Variants in FLT1 observed in about 807,000 individuals in gnomAD.
FLT1 encodes vascular endothelial growth factor receptor 1.
A neutral mutation model predicts 156.3 loss-of-function variants in FLT1; 49 were observed. That is an observed-to-expected ratio of 0.31 (90% CI 0.25 to 0.40). The LOEUF (loss-of-function observed/expected upper bound fraction) is 0.40. Among genes scored for constraint, FLT1 ranks in the 10% least tolerant of loss-of-function variants. The pLI is 1.00. For synonymous variants in FLT1, 594 were observed against 583.8 expected, an observed-to-expected ratio of 1.02 and a Z score of -0.25; for missense variants, 1,322 against 1,637.2, an observed-to-expected ratio of 0.81 and a Z score of 3.32.
At chr13:28,407,276 G>A (rs954493303) in intron 10 of FLT1, among the ~76,000 whole-genome samples, 15 of 152,020 alleles carry the variant, frequency 9.9e-5, no homozygotes, top group South Asian at 2.1e-4. Context: ...CAAACACACC[G>A]ATAAGTAGAG....
chr13:28,339,106 A>G, intron 17 of FLT1, 62 bp downstream of exon 17: 2 of 1,518,858 alleles, frequency 1.3e-6, no homozygotes, highest in Non-Finnish European at 9.1e-7. Flanking sequence ...CTCAAAGCAC[A>G]GTGTTTTTCA....
rs1311131899 is a variant in FLT1 at position 28,483,410 on chromosome 13, G to GTATA, written c.64+11366_64+11369dup. ...TAGACACCATGCATATTTTTACATA[G>GTATA]TATATACACCATTCCGTATAATTTC... On this transcript the variant is annotated intron_variant, in intron 1 of 29. Coordinates refer to ENST00000282397, the MANE Select transcript of FLT1 (RefSeq NM_002019.4). Among the ~76,000 whole-genome samples, 3 of 152,120 alleles carry GTATA rather than the reference G, an allele frequency of 2.0e-5. No homozygotes were observed. In the East Asian group the frequency reaches 5.8e-4, roughly 29 times the overall value.
At chr13:28,368,443 T>C in intron 14 of FLT1, 1 of 1,481,930 alleles carries the variant, frequency 6.7e-7, no homozygotes, top group Non-Finnish European at 8.9e-7. Context: ...TGAGCCACCA[T>C]GCCCGGCCAT....
At chr13:28,415,646 T>C (rs1876605434) in intron 10 of FLT1, among the ~76,000 whole-genome samples, 1 of 152,136 alleles carries the variant, frequency 6.6e-6, no homozygotes. Flanking sequence ...CAAGTCAAAT[T>C]CATGGAAACA....
chr13:28,339,687 A>G (rs1001397658), intron 16 of FLT1, among the ~76,000 whole-genome samples: 2 of 152,224 alleles, frequency 1.3e-5, no homozygotes, highest in African/African-American at 4.8e-5. Flanking sequence ...GCCATCTTGT[A>G]TAAGCAGGAA....
intron 3 of FLT1, among the ~76,000 whole-genome samples, chr13:28,443,600 G>A (rs1319245321): frequency 2.6e-5 from 4 of 152,142 alleles, no homozygotes; most frequent in Admixed American, 2.6e-4. Context: ...AGGACATCTA[G>A]TCATTTTAAA....
At chr13:28,327,888 C>CT (rs1871756343) in intron 19 of FLT1, among the ~76,000 whole-genome samples, 2 of 152,168 alleles carry the variant, frequency 1.3e-5, no homozygotes, top group African/African-American at 2.4e-5. Context: ...TAACCAGACC[C>CT]TTGCGAGTAG....
chr13:28,381,732 A>C (rs1186249505), intron 14 of FLT1, among the ~76,000 whole-genome samples: 1 of 152,102 alleles, frequency 6.6e-6, no homozygotes, highest in Non-Finnish European at 1.5e-5. Context: ...TAGGCAAATC[A>C]CTTTACCTCT....
At chr13:28,370,009 G>A (rs1872263132) in intron 14 of FLT1, among the ~76,000 whole-genome samples, 1 of 151,986 alleles carries the variant, frequency 6.6e-6, no homozygotes, top group South Asian at 2.1e-4. Context: ...GGACCAGCCT[G>A]GGCAACACAG....
intron 3 of FLT1, among the ~76,000 whole-genome samples, chr13:28,450,635 A>C (rs1878879323): frequency 6.6e-6 from 1 of 152,198 alleles, no homozygotes; most frequent in Non-Finnish European, 1.5e-5. Context: ...TCTTTCTTCT[A>C]CTGCTAAGAT....
At chr13:28,324,866 A>G (rs796216883) in intron 20 of FLT1, among the ~76,000 whole-genome samples, 2 of 152,168 alleles carry the variant, frequency 1.3e-5, no homozygotes, top group Non-Finnish European at 2.9e-5. Flanking sequence ...CTGACTCCCA[A>G]TCAATTGTAT....
At chr13:28,457,625 G>A (rs929952302) in intron 3 of FLT1, among the ~76,000 whole-genome samples, 1 of 152,120 alleles carries the variant, frequency 6.6e-6, no homozygotes, top group Non-Finnish European at 1.5e-5. Context: ...GGACCATAAA[G>A]ATAAAAACAG....
intron 1 of FLT1, among the ~76,000 whole-genome samples, chr13:28,490,725 T>C (rs1881426659): frequency 6.6e-6 from 1 of 152,222 alleles, no homozygotes; most frequent in African/African-American, 2.4e-5. Flanking sequence ...ACAGATGGTC[T>C]ATACTTTTAA....
intron 10 of FLT1, among the ~76,000 whole-genome samples, chr13:28,414,559 A>G (rs1022449123): frequency 5.9e-5 from 9 of 152,256 alleles, no homozygotes; most frequent in South Asian, 2.1e-4. Context: ...CACACTTAGC[A>G]CAGTGCCTGG....
At chr13:28,366,538 C>T (rs534655757) in intron 14 of FLT1, among the ~76,000 whole-genome samples, 3 of 151,858 alleles carry the variant, frequency 2.0e-5, no homozygotes, top group South Asian at 4.2e-4. Context: ...GGCACGATCT[C>T]GGCTCACTGC....
At position 28,467,058 on chromosome 13, in the gene FLT1, T is replaced by G. The variant is rs1412106014; in HGVS notation, c.233A>C (p.Lys78Thr). ...TTTGCCATTTCTTCCACAGGCAGAT[T>G]TAGTTATGCTCAGCCTTTCGCTTTC... ...SKESERLSIT[K>T]SACGRNGKQF... Residue 78 changes from lysine to threonine, a missense_variant, in exon 3 of 30, where the codon AAA becomes ACA. Lys to Thr is a moderately conservative substitution (Grantham distance 78, BLOSUM62 -1). Coordinates refer to ENST00000282397, the MANE Select transcript of FLT1 (RefSeq NM_002019.4). 6.2e-7 allele frequency: 1 copy of G among 1,614,166 alleles called. No individual in the cohort carries two copies. The highest frequency in any genetic ancestry group is 1.3e-5 in the African/African-American group (1 of 75,050).
intron 11 of FLT1, among the ~76,000 whole-genome samples, chr13:28,401,376 T>A (rs1291074102): frequency 6.6e-6 from 1 of 152,192 alleles, no homozygotes; most frequent in African/African-American, 2.4e-5. Flanking sequence ...CTAGGCTCTT[T>A]GGTATGACCC....
At chr13:28,369,653 C>G (rs1293920330) in intron 14 of FLT1, among the ~76,000 whole-genome samples, 1 of 152,136 alleles carries the variant, frequency 6.6e-6, no homozygotes, top group East Asian at 1.9e-4. Flanking sequence ...AAGATCAAGC[C>G]TCATGGCAAA....
chr13:28,366,412 G>C (rs933344331), intron 14 of FLT1, among the ~76,000 whole-genome samples: 2 of 152,010 alleles, frequency 1.3e-5, no homozygotes, highest in African/African-American at 4.8e-5. Context: ...TTCCCTTGAT[G>C]CCTGGTTAAC....
Sources: gnomAD v4.1 joint callset for allele counts (sites outside exome capture counted in the v4.1 genomes callset) on GRCh38, gnomAD v4.1.1 for gene constraint, MANE v1.5 for transcripts, NCBI Gene and HGNC (gene_info 2026-07-23, HGNC 2026-07-21) for gene names.